ARID4B: variants seen among roughly 807,000 people sequenced by gnomAD.
ARID4B encodes AT-rich interactive domain-containing protein 4B.
ARID4B carries 26 observed loss-of-function variants against 147.5 expected under a neutral mutation model. The ratio of observed to expected loss-of-function variants is 0.18; its 90% CI spans 0.13 to 0.24. The LOEUF is 0.24. ARID4B is among the 10% of genes least tolerant of loss of function. The probability of loss-of-function intolerance (pLI) is 1.00; values close to 1 mark genes in which losing one functional copy is unlikely to be tolerated. For synonymous variants in ARID4B, 512 were observed against 507.9 expected (o/e 1.01, Z -0.11); for missense variants, 1,179 against 1,511.5 (o/e 0.78, Z 3.65).
rs192026119 is a variant in ARID4B, at chr1:235,273,033, C to T, written c.7-12281G>A. The stretch of plus-strand genomic sequence containing the variant: ...TAAGCCAGGTGATTTTCCAGATACT[C>T]TGGAGAAATGTTTTCTGAAATCTCA... On this transcript the variant is annotated intron_variant, in intron 2 of 23. Coordinates refer to ENST00000264183, the MANE Select transcript of ARID4B (RefSeq NM_016374.6). Among the ~76,000 whole-genome samples, 736 of 152,286 alleles carry T rather than the reference C, an allele frequency of 4.8e-3. 8 individuals are homozygous for T. Among genetic ancestry groups the T allele is most frequent in the Non-Finnish European group, 4.1e-3 (279 of 68,022 alleles).
chr1:235,200,474 C>A (rs1036747651), intron 17 of ARID4B, among the ~76,000 whole-genome samples: 1 of 151,886 alleles, frequency 6.6e-6, no homozygotes, highest in Admixed American at 6.6e-5. Context: ...AAATAAAATT[C>A]ATGCGGGGAA....
intron 2 of ARID4B, among the ~76,000 whole-genome samples, chr1:235,262,983 A>G (rs1670383552): frequency 1.3e-5 from 2 of 152,184 alleles, no homozygotes; most frequent in South Asian, 4.1e-4. Flanking sequence ...TGTTTTATAG[A>G]GAGAGAAACA....
In ARID4B at chr1:235,240,285, T is replaced by C. The variant is rs752893261; in HGVS notation, c.585+28A>G. 2.6e-6 allele frequency: 4 copies of C among 1,563,784 alleles called. No homozygotes were observed. The East Asian group carries it at 9.0e-5, about 35-fold the overall frequency. On this transcript the variant is annotated intron_variant, in intron 8 of 23. Transcript: ENST00000264183. ...TTCATAAACTTATAAAGTTTGAAAT[T>C]AAACTCTTGTATACTGAAGCTACTC...
At chr1:235,186,411 AT>A (rs879460039) in intron 19 of ARID4B, among the ~76,000 whole-genome samples, 758 of 136,766 alleles carry the variant, frequency 5.5e-3, no homozygotes, top group Admixed American at 6.1e-3. Flanking sequence ...GAATTTGCTT[AT>A]TTTTTTTTTT....
At chr1:235,170,366 T>C (rs924279839) in intron 23 of ARID4B, among the ~76,000 whole-genome samples, 3 of 152,176 alleles carry the variant, frequency 2.0e-5, no homozygotes, top group African/African-American at 4.8e-5. Flanking sequence ...GCAACCCCTG[T>C]TCTACAGGAA....
intron 2 of ARID4B, among the ~76,000 whole-genome samples, chr1:235,315,806 G>T (rs1006111526): frequency 2.6e-5 from 4 of 152,096 alleles, no homozygotes; most frequent in Admixed American, 2.0e-4. Flanking sequence ...TCTTGCCTTA[G>T]ATAACCCGAT....
intron 11 of ARID4B, chr1:235,228,913 G>C (rs969421788): frequency 1.1e-4 from 22 of 204,334 alleles, no homozygotes. Context: ...CCAAAGTGCT[G>C]GGATTACAGG....
chr1:235,294,118 A>G (rs1672518446), intron 2 of ARID4B, among the ~76,000 whole-genome samples: 1 of 152,122 alleles, frequency 6.6e-6, no homozygotes, highest in African/African-American at 2.4e-5. Flanking sequence ...AAAACGCAAT[A>G]TATAAACAAG....
chr1:235,197,730 G>C (rs1047961130), intron 17 of ARID4B, among the ~76,000 whole-genome samples: 11 of 152,016 alleles, frequency 7.2e-5, no homozygotes, highest in Non-Finnish European at 1.5e-4. Flanking sequence ...TACCATATAT[G>C]GGTTTTTTTG....
At position 235,257,204 on chromosome 1, in the gene ARID4B, A is replaced by G; in HGVS notation, c.139T>C (p.Ser47Pro). ...TGGTCATCCTGAACTTCCACTGTTG[A>G]AGAATCATGTCTAAATGTCACCTAG... is the stretch of plus-strand genomic sequence containing the variant. ...KVKVTFRHDS[S>P]TVEVQDDHIK... Residue 47 changes from serine to proline, a missense_variant, in exon 4 of 24, where the codon TCA (serine) becomes CCA (proline). Ser to Pro is a moderately conservative substitution (Grantham distance 74). Coordinates refer to ENST00000264183, the MANE Select transcript of ARID4B (RefSeq NM_016374.6). The G allele has an allele frequency of 6.2e-7, 1 of 1,612,964 alleles. No individual in the cohort carries two copies. Among genetic ancestry groups the G allele is most frequent in the South Asian group, 1.1e-5 (1 of 91,040 alleles).
At chr1:235,309,284 G>T (rs1324383023) in intron 2 of ARID4B, among the ~76,000 whole-genome samples, 1 of 137,484 alleles carries the variant, frequency 7.3e-6, no homozygotes, top group African/African-American at 2.8e-5. Flanking sequence ...CCCGGCAGCC[G>T]CCCCATCTGA....
chr1:235,255,685 T>A lies in ARID4B; in HGVS notation c.249A>T (p.Leu83=). Residue 83 remains leucine, a synonymous_variant, in exon 5 of 24, where the codon CTA becomes CTT. Transcript: ENST00000264183. ...GAYQEAVINK[L]TDASWYTVVF... is the part of the protein sequence containing the mutation. ...CTACAGTGTACCAACTCGCATCTGTTAGTTTATTGATAACAGCTTCCTGAT... is the reference window on the plus strand; with the variant it reads ...CTACAGTGTACCAACTCGCATCTGTAAGTTTATTGATAACAGCTTCCTGAT... 1 of 1,611,320 alleles carries A rather than the reference T, an allele frequency of 6.2e-7. No homozygotes were observed. Among genetic ancestry groups the A allele is most frequent in the Non-Finnish European group, 8.5e-7 (1 of 1,178,618 alleles).
rs760962757 is a variant in ARID4B at position 235,182,599 on chromosome 1, G to T, written c.2320C>A (p.Pro774Thr). The change falls in exon 20 of 24, where the codon CCA becomes ACA. Residue 774 changes from proline to threonine, a missense_variant. Coordinates refer to ENST00000264183, the MANE Select transcript of ARID4B (RefSeq NM_016374.6). ...AATCTTTCTGGAGATTTTGACACTGGTTTGGATATTACCAAATCTGCATGA... is the reference window on the plus strand; with the variant it reads ...AATCTTTCTGGAGATTTTGACACTGTTTTGGATATTACCAAATCTGCATGA... ...KVHADLVISK[P>T]VSKSPERLRK... is the part of the protein sequence containing the mutation. 2.5e-6 allele frequency: 4 copies of T among 1,613,236 alleles called. No individual in the cohort carries two copies. In the Admixed American group the frequency reaches 6.7e-5, roughly 27 times the overall value.
chr1:235,176,437 CAAAAAAAAAAAAAAA>C lies in ARID4B; in HGVS notation c.3449-1053_3449-1039del, dbSNP rs34808765. Among the ~76,000 whole-genome samples the C allele has an allele frequency of 8.0e-4, 18 of 22,536 alleles. 1 individual carries two copies. The highest frequency in any genetic ancestry group is 6.6e-3 in the South Asian group (2 of 302). 14.8% of individuals were successfully genotyped at this position (22,536 alleles called of 152,430 possible). A position where few individuals can be genotyped will look rare whatever the true frequency, so the allele number is the denominator to read the frequency against. On this transcript the variant is annotated intron_variant, in intron 21 of 23. Transcript: ENST00000264183. ...CTGATTTTTCACTTAACAACATCAC[CAAAAAAAAAAAAAAA>C]AAAAAAAAAAAAAAAAGGAGTTAAA...
At chr1:235,186,262 T>C (rs954087080) in intron 19 of ARID4B, among the ~76,000 whole-genome samples, 6 of 151,814 alleles carry the variant, frequency 4.0e-5, no homozygotes, top group African/African-American at 7.3e-5. Flanking sequence ...CCACCGCGCC[T>C]GGCCTCTCTC....
chr1:235,293,652 C>CA (rs5781823), intron 2 of ARID4B, among the ~76,000 whole-genome samples: 248 of 147,880 alleles, frequency 1.7e-3, no homozygotes, highest in Middle Eastern at 6.9e-3. Context: ...GCACATAAAC[C>CA]AAAAAAAAAA....
chr1:235,231,146 T>C lies in ARID4B; in HGVS notation c.709A>G (p.Thr237Ala). ...AAAACAGCATCAGGCTTTGGTGCAGTGTCACTAGTAATTTCATGGACATCT... is the reference window on the plus strand; with the variant it reads ...AAAACAGCATCAGGCTTTGGTGCAGCGTCACTAGTAATTTCATGGACATCT... ...RKDVHEITSD[T>A]APKPDAVLKQ... Residue 237 changes from threonine (T) to alanine (A), a missense_variant, in exon 10 of 24, where the codon ACT becomes GCT. Around this residue, in one of 10 missense-constraint regions of ARID4B, gnomAD observed 159 missense variants for 190.5 expected, o/e 0.83. Coordinates refer to ENST00000264183, the MANE Select transcript of ARID4B (RefSeq NM_016374.6). The C allele has an allele frequency of 6.3e-7, 1 of 1,593,190 alleles. No homozygotes were observed. The highest frequency in any genetic ancestry group is 8.5e-7 in the Non-Finnish European group (1 of 1,171,318).
Position 235,260,642 on chromosome 1 carries a change from C to T in ARID4B, c.117G>A (p.Lys39=). Residue 39 remains lysine, a splice_region_variant and synonymous_variant, in exon 3 of 24, where the codon AAG becomes AAA. Coordinates refer to ENST00000264183, the MANE Select transcript of ARID4B (RefSeq NM_016374.6). ...IKTAKRLVKV[K]VTFRHDSSTV... ...TTTATGAAATCTATAAATACTGTAC[C>T]TTGACTTTGACAAGTCTTTTTGCTG... The T allele has an allele frequency of 6.3e-7, 1 of 1,591,628 alleles. No individual in the cohort carries two copies. The highest frequency in any genetic ancestry group is 8.6e-7 in the Non-Finnish European group (1 of 1,166,106).
intron 2 of ARID4B, among the ~76,000 whole-genome samples, chr1:235,271,495 T>C (rs1224261216): frequency 6.6e-6 from 1 of 151,514 alleles, no homozygotes; most frequent in Non-Finnish European, 1.5e-5. Context: ...CCAGGCATGG[T>C]GGTAGGCACC....
Sources: gnomAD v4.1 joint callset for allele counts (sites outside exome capture counted in the v4.1 genomes callset) on GRCh38, gnomAD v4.1.1 for gene constraint, gnomAD v4.1.1 regional missense constraint, MANE v1.5 for transcripts, NCBI Gene and HGNC (gene_info 2026-07-23, HGNC 2026-07-21) for gene names.